Variants in ABCC5 observed in about 807,000 individuals in gnomAD.
ABCC5 encodes ATP binding cassette subfamily C member 5.
ABCC5 carries 61 observed loss-of-function variants against 160.9 expected under a neutral mutation model. That is an observed-to-expected ratio of 0.38 (90% CI 0.31 to 0.47). The LOEUF (loss-of-function observed/expected upper bound fraction) is 0.47, where lower values mean the gene tolerates loss of function less well. Among genes scored for constraint, ABCC5 ranks in the 20% least tolerant of loss-of-function variants. ABCC5 has a pLI of 0.99. For missense variants in ABCC5, 1,308 were observed against 1,813.3 expected (o/e 0.72, Z 5.06); for synonymous variants, 666 against 700.6 (o/e 0.95, Z 0.78).
intron 3 of ABCC5, 63 bp downstream of exon 3, chr3:183,989,157 CAAAAAA>C (rs34892836): frequency 0.014 from 7,718 of 567,306 alleles, no homozygotes; most frequent in East Asian, 0.029. Flanking sequence ...GACTCCATCT[CAAAAAA>C]AAAAAAAAAA....
In ABCC5 at chr3:183,927,428, G is replaced by A. The variant is rs779509985; in HGVS notation, c.3949C>T (p.Leu1317=). 1.9e-6 allele frequency: 3 copies of A among 1,613,044 alleles called. No individual in the cohort carries two copies. The South Asian group carries it at 3.3e-5, about 18-fold the overall frequency. ...HMKECIAQLP[L]KLESEVMENG... ...TCCATCACTTCAGATTCAAGTTTCAGAGGTAGCTGAGCAATCTAGGGAGAA... is the reference window on the plus strand; with the variant it reads ...TCCATCACTTCAGATTCAAGTTTCAAAGGTAGCTGAGCAATCTAGGGAGAA... Residue 1317 remains leucine (L), a synonymous_variant, in exon 28 of 30, where the codon CTG becomes TTG. Transcript: ENST00000334444.
intron 2 of ABCC5, chr3:184,001,387 C>T (rs9840067): frequency 0.13 from 55,906 of 414,326 alleles, 4,410 homozygotes; most frequent in East Asian, 0.3. Flanking sequence ...TTTCTTTTTT[C>T]GTACTAAGTC....
chr3:183,962,423 A>C (rs1716844381), intron 15 of ABCC5, among the ~76,000 whole-genome samples: 2 of 152,150 alleles, frequency 1.3e-5, no homozygotes, highest in African/African-American at 4.8e-5. Context: ...AGCCCCACAC[A>C]ACAATGGACT....
At chr3:183,977,814 A>G (rs987610683) in intron 9 of ABCC5, among the ~76,000 whole-genome samples, 190 bp from the exon 10 acceptor site, 1 of 151,784 alleles carries the variant, frequency 6.6e-6, no homozygotes, top group Non-Finnish European at 1.5e-5. Context: ...GTGCAGTGAC[A>G]CGATCTTGGC....
In ABCC5 at chr3:183,949,959, G is replaced by A. The variant is rs376646820; in HGVS notation, c.3098+13C>T. 7.5e-5 allele frequency: 121 copies of A among 1,613,900 alleles called. No individual in the cohort carries two copies. The highest frequency in any genetic ancestry group is 8.6e-5 in the Non-Finnish European group (101 of 1,180,004). ...CTCCGTGGCCCCAGCAGACATGAAC[G>A]CTTCCTATTTACCTGGAGACAATGT... On this transcript the variant is annotated intron_variant, in intron 21 of 29. Coordinates refer to ENST00000334444, the MANE Select transcript of ABCC5 (RefSeq NM_005688.4). The surrounding 1 kb of genome is among the most constrained non-coding windows in gnomAD (Gnocchi z 4.2).
At chr3:183,984,955 T>G in intron 5 of ABCC5, 1 of 1,403,420 alleles carries the variant, frequency 7.1e-7, no homozygotes. Context: ...AGAGTGCCAT[T>G]TTTCAGCACT....
intron 2 of ABCC5, among the ~76,000 whole-genome samples, chr3:184,007,833 A>C (rs1456963105): frequency 6.6e-6 from 1 of 152,100 alleles, no homozygotes; most frequent in Non-Finnish European, 1.5e-5. Context: ...CCTCAAAAAC[A>C]AAAAACAAAA....
At chr3:183,927,794 T>TGAAGTCC in intron 27 of ABCC5, 1 of 985,484 alleles carries the variant, frequency 1.0e-6, no homozygotes, top group Non-Finnish European at 1.2e-6. Flanking sequence ...ACTCTCCTTC[T>TGAAGTCC]GAAGTCCAAA....
rs752146980 is a variant in ABCC5 at position 183,981,718 on chromosome 3, T to G, written c.1147+9A>C. The G allele has an allele frequency of 4.7e-5, 76 of 1,608,736 alleles. No homozygotes were observed. Among genetic ancestry groups the G allele is most frequent in the Non-Finnish European group, 5.7e-5 (67 of 1,178,750 alleles). On this transcript the variant is annotated intron_variant, in intron 8 of 29. Transcript: ENST00000334444. ...CTACCACATGCACATACAAAATCTT[T>G]AAACTCACTTTGAACACTCTGAGAA...
chr3:183,991,620 A>AT (rs1719775814), intron 2 of ABCC5, among the ~76,000 whole-genome samples: 1 of 152,132 alleles, frequency 6.6e-6, no homozygotes, highest in Admixed American at 6.6e-5. Context: ...TGCAAAGCAC[A>AT]CTCCTTTCCT....
At position 183,987,925 on chromosome 3, in the gene ABCC5, AG is replaced by A. The variant is rs765701580; in HGVS notation, c.444-9del. 1.2e-6 allele frequency: 2 copies of A among 1,613,458 alleles called. No homozygotes were observed. The highest frequency in any genetic ancestry group is 1.7e-6 in the Non-Finnish European group (2 of 1,179,726). ...TGCCACAGTCTCTCTAGTCTTAACA[AG>A]GGCACACGTCCTCGTTACACATCTC... is the stretch of plus-strand genomic sequence containing the variant. On this transcript the variant is annotated splice_polypyrimidine_tract_variant and intron_variant, in intron 4 of 29. Transcript: ENST00000334444. This position sits in a 1 kb window ranked among gnomAD's most constrained non-coding sequence, Gnocchi z 4.2.
At chr3:183,928,919 G>A (rs1343017134) in intron 26 of ABCC5, 94 bp from the exon 27 acceptor site, 1 of 1,011,416 alleles carries the variant, frequency 9.9e-7, no homozygotes, top group East Asian at 2.4e-5. Flanking sequence ...ACATGCATAG[G>A]GAGAGAAGAC....
At chr3:183,952,264 A>G (rs1433999132) in intron 18 of ABCC5, among the ~76,000 whole-genome samples, 1 of 151,056 alleles carries the variant, frequency 6.6e-6, no homozygotes, top group East Asian at 2.0e-4. Flanking sequence ...CTCATGCCTC[A>G]GCCTCCCAAG....
At chr3:183,953,806 C>T (rs1350346544) in intron 17 of ABCC5, among the ~76,000 whole-genome samples, 1 of 152,162 alleles carries the variant, frequency 6.6e-6, no homozygotes, top group Non-Finnish European at 1.5e-5. Flanking sequence ...CACACCACCA[C>T]AGTGATTCGG....
chr3:183,992,805 A>C (rs1719897960), intron 2 of ABCC5, among the ~76,000 whole-genome samples: 1 of 152,160 alleles, frequency 6.6e-6, no homozygotes, highest in Admixed American at 6.5e-5. Context: ...AAAATAAAAA[A>C]TAAAAAAATA....
rs1718824221 is a variant in ABCC5, at chr3:183,982,391, A to G, written c.999+60T>C. On this transcript the variant is annotated intron_variant, in intron 7 of 29. Transcript: ENST00000334444. The surrounding 1 kb of genome is among the most constrained non-coding windows in gnomAD (Gnocchi z 5.2). ...CCTCAGCAATGCCTACTATAACCCA[A>G]TGGAAGTAACTCATCTCCTAAGGAG... is the stretch of plus-strand genomic sequence containing the variant. 1.9e-6 allele frequency: 3 copies of G among 1,562,988 alleles called. No individual in the cohort carries two copies. Among genetic ancestry groups the G allele is most frequent in the East Asian group, 4.5e-5 (2 of 44,396 alleles).
chr3:183,943,223 A>G (rs981679180), intron 24 of ABCC5, among the ~76,000 whole-genome samples: 1 of 152,190 alleles, frequency 6.6e-6, no homozygotes, highest in African/African-American at 2.4e-5. Context: ...AGGAAAACCA[A>G]CACGGGCAGA....
In ABCC5 at chr3:183,949,999, A is replaced by G. The variant is rs1040057253; in HGVS notation, c.3071T>C (p.Leu1024Pro). 5 of 1,614,080 alleles carry G rather than the reference A, an allele frequency of 3.1e-6. No individual in the cohort carries two copies. The highest frequency in any genetic ancestry group is 1.3e-5 in the African/African-American group (1 of 74,932). ...FLVAVGPLVI[L>P]FSVLHIVSRV... ...GGAGACAATGTGCAGGACTGAAAAG[A>G]GGATGACAAGGGGCCCCACTGCCAC... The change falls in exon 21 of 30, where the codon CTC becomes CCC. Residue 1024 changes from leucine to proline, a missense_variant. Leu to Pro is a moderately conservative substitution (Grantham distance 98). Around this residue, in one of 3 missense-constraint regions of ABCC5, gnomAD observed 1,142 missense variants for 1,527.1 expected, o/e 0.75. Coordinates refer to ENST00000334444, the MANE Select transcript of ABCC5 (RefSeq NM_005688.4). This position sits in a 1 kb window ranked among gnomAD's most constrained non-coding sequence, Gnocchi z 4.2.
intron 26 of ABCC5, among the ~76,000 whole-genome samples, chr3:183,933,493 T>G (rs1292292628): frequency 6.6e-6 from 1 of 151,988 alleles, no homozygotes; most frequent in Non-Finnish European, 1.5e-5. Flanking sequence ...TGGGGAAAGC[T>G]AGGGCCATGA....
Sources: gnomAD v4.1 joint callset for allele counts (sites outside exome capture counted in the v4.1 genomes callset) on GRCh38, gnomAD v4.1.1 for gene constraint, gnomAD v4.1.1 regional missense constraint, Gnocchi (gnomAD v3.1) non-coding constraint, MANE v1.5 for transcripts, NCBI Gene and HGNC (gene_info 2026-07-23, HGNC 2026-07-21) for gene names.